The following NOX1 variants were observed in gnomAD, a reference collection of about 807,000 sequenced individuals.
NOX1 encodes the protein NADH/NADPH mitogenic oxidase subunit P65-MOX.
In NOX1, 34 loss-of-function variants were observed where a neutral mutation model predicts 42.5. The observed-to-expected ratio is 0.80, with a 90% CI of 0.61 to 1.07. The LOEUF is 1.07. NOX1 is among the 50% of genes least tolerant of loss of function. The pLI, the probability that NOX1 is intolerant of heterozygous loss-of-function variation, is 0.00. For missense variants in NOX1, 408 were observed against 427.0 expected (o/e 0.96, Z 0.39); for synonymous variants, 143 against 152.5 (o/e 0.94, Z 0.46).
intron 7 of NOX1, among the ~76,000 whole-genome samples, chrX:100,853,433 T>TCTTCCTTCC (rs1569445832): frequency 3.0e-5 from 3 of 101,258 alleles, no homozygotes; most frequent in Admixed American, 1.1e-4. Context: ...CTTTTTTTTT[T>TCTTCCTTCC]TTGACAGAGT....
chrX:100,870,267 A>G (rs776538572), intron 2 of NOX1, among the ~76,000 whole-genome samples: 2 of 109,954 alleles, frequency 1.8e-5, no homozygotes, highest in African/African-American at 3.3e-5. Context: ...AAAAAAAAAA[A>G]AAGAAATAGG....
Position 100,870,785 on chromosome X carries a change from C to G in NOX1, c.75G>C (p.Leu25=), listed in dbSNP as rs1038558111. The G allele has an allele frequency of 4.2e-6, 5 of 1,192,608 alleles. No homozygotes were observed. The highest frequency in any genetic ancestry group is 2.3e-4 in the Middle Eastern group (1 of 4,310). ...CATATTTCAGGAAGGCATCCACAAA[C>G]AGGAAAACATTCAGCCCTAACCAAA... is the stretch of plus-strand genomic sequence containing the variant. ...LVVWLGLNVF[L]FVDAFLKYEK... is the part of the protein sequence containing the mutation. Residue 25 remains leucine (L), a synonymous_variant, in exon 2 of 13, where the codon CTG becomes CTC. Transcript: ENST00000372966.
At chrX:100,848,345 CA>C (rs1477208751) in intron 12 of NOX1, among the ~76,000 whole-genome samples, 1 of 110,698 alleles carries the variant, frequency 9.0e-6, no homozygotes, top group Non-Finnish European at 1.9e-5. Flanking sequence ...GGCTGGAGTG[CA>C]ATGGCGCTAT....
chrX:100,851,707 T>A (rs1401093860), intron 7 of NOX1, among the ~76,000 whole-genome samples: 1 of 109,958 alleles, frequency 9.1e-6, no homozygotes, highest in African/African-American at 3.3e-5. Flanking sequence ...ATCTCAGGAG[T>A]TGGAGACCTA....
In NOX1 at chrX:100,849,766, T is replaced by A. The variant is rs769216004; in HGVS notation, c.1296+6A>T. 1 of 1,198,727 alleles carries A rather than the reference T, an allele frequency of 8.3e-7. No individual in the cohort carries two copies. Among genetic ancestry groups the A allele is most frequent in the East Asian group, 3.0e-5 (1 of 33,755 alleles). On this transcript the variant is annotated splice_donor_region_variant and intron_variant, in intron 10 of 12. Transcript: ENST00000372966. ...GCCAGAAGAAAAGTGATATACGGGA[T>A]TATACCTTTTTTGTTTTGAGGTTGT...
chrX:100,855,922 C>T lies in NOX1; in HGVS notation c.805-4597G>A, dbSNP rs1424164986. ...ACAATCTTATCCACGGAGTCATGGT[C>T]GTCAAAAGTTACAAAGGCAAAGCCC... is the stretch of plus-strand genomic sequence containing the variant. On this transcript the variant is annotated intron_variant, in intron 7 of 12. Transcript: ENST00000372966. 1.2e-5 allele frequency: 14 copies of T among 1,167,951 alleles called. No homozygotes were observed. The East Asian group carries it at 2.4e-4, about 20-fold the overall frequency.
intron 7 of NOX1, chrX:100,855,852 C>G (rs553804586): frequency 5.2e-6 from 6 of 1,159,423 alleles, no homozygotes; most frequent in Non-Finnish European, 7.0e-6. Flanking sequence ...CAGGGCTTTC[C>G]TAACTTCACA....
chrX:100,851,991 C>A (rs1305435802), intron 7 of NOX1, among the ~76,000 whole-genome samples: 1 of 111,682 alleles, frequency 9.0e-6, no homozygotes, highest in Non-Finnish European at 1.9e-5. Context: ...TCTAAAAAAC[C>A]AACAGAGAAA....
At chrX:100,852,348 A>G (rs770317488) in intron 7 of NOX1, among the ~76,000 whole-genome samples, 1 of 111,164 alleles carries the variant, frequency 9.0e-6, no homozygotes, top group African/African-American at 3.3e-5. Context: ...GGGTGCCTGT[A>G]ATCCCAGACA....
At chrX:100,853,278 C>CTTTCTTTCTTTCT (rs2085132002) in intron 7 of NOX1, among the ~76,000 whole-genome samples, 2 of 59,586 alleles carry the variant, frequency 3.4e-5, no homozygotes, top group Non-Finnish European at 6.4e-5. Flanking sequence ...TTCTTTCTTT[C>CTTTCTTTCTTTCT]TTTCTTTCTT....
chrX:100,873,719 A>C (rs890794538), intron 1 of NOX1, among the ~76,000 whole-genome samples: 3 of 112,089 alleles, frequency 2.7e-5, no homozygotes, highest in African/African-American at 9.7e-5. Flanking sequence ...GTACTGGGCC[A>C]GATGATCTCT....
intron 7 of NOX1, among the ~76,000 whole-genome samples, chrX:100,859,365 A>G (rs745506147): frequency 2.7e-5 from 3 of 111,803 alleles, no homozygotes; most frequent in Non-Finnish European, 5.6e-5. Flanking sequence ...TTCATCAATG[A>G]ATGATCATCA....
intron 12 of NOX1, among the ~76,000 whole-genome samples, chrX:100,845,188 C>T (rs1161069808): frequency 9.0e-6 from 1 of 111,526 alleles, no homozygotes; most frequent in Non-Finnish European, 1.9e-5. Flanking sequence ...CGCAAAGAAA[C>T]CCCATCCACA....
At chrX:100,859,613 G>A (rs1381017758) in intron 7 of NOX1, among the ~76,000 whole-genome samples, 3 of 110,314 alleles carry the variant, frequency 2.7e-5, no homozygotes, top group Non-Finnish European at 5.7e-5. Flanking sequence ...TTCAGTTTTG[G>A]AACTCAATAT....
At chrX:100,853,261 C>CCTTCCTTTCTTTCTTT (rs1491397505) in intron 7 of NOX1, among the ~76,000 whole-genome samples, 28 of 23,446 alleles carry the variant, frequency 1.2e-3, no homozygotes, top group Non-Finnish European at 7.8e-4. Flanking sequence ...TTCCTTCCTT[C>CCTTCCTTTCTTTCTTT]CTTTCTTTCT....
intron 7 of NOX1, among the ~76,000 whole-genome samples, chrX:100,861,029 G>T (rs771466083): frequency 9.0e-6 from 1 of 111,439 alleles, no homozygotes. Context: ...GTGAGCCACC[G>T]TGCCCGGCCC....
chrX:100,844,372 C>T (rs1039726865), intron 12 of NOX1, among the ~76,000 whole-genome samples: 3 of 112,135 alleles, frequency 2.7e-5, no homozygotes. Flanking sequence ...GTTGTCTGGG[C>T]TCAAATCTCA....
chrX:100,847,632 G>C (rs1211536183), intron 12 of NOX1, among the ~76,000 whole-genome samples: 1 of 108,936 alleles, frequency 9.2e-6, no homozygotes, highest in Admixed American at 9.9e-5. Context: ...TGGGCATGGT[G>C]GTGGGCACCT....
At chrX:100,862,604 A>G in intron 5 of NOX1, 31 bp from the exon 6 acceptor site, 1 of 1,196,895 alleles carries the variant, frequency 8.4e-7, no homozygotes, top group Non-Finnish European at 1.1e-6. Context: ...GCCTGACACA[A>G]TGTCCACCTG....
Sources: gnomAD v4.1 joint callset for allele counts (sites outside exome capture counted in the v4.1 genomes callset) on GRCh38, gnomAD v4.1.1 for gene constraint, MANE v1.5 for transcripts, NCBI Gene and HGNC (gene_info 2026-07-23, HGNC 2026-07-21) for gene names.